Variants in RTEL1 observed in about 807,000 individuals in gnomAD.
RTEL1 encodes regulator of telomere length.
RTEL1 carries 86 observed loss-of-function variants against 162.2 expected under a neutral mutation model. The observed-to-expected ratio is 0.53, with a 90% CI of 0.45 to 0.63. The LOEUF is 0.63. Among genes scored for constraint, RTEL1 ranks in the 30% least tolerant of loss-of-function variants. The probability of loss-of-function intolerance (pLI) is 0.00; values close to 1 mark genes in which losing one functional copy is unlikely to be tolerated. For synonymous variants in RTEL1, 958 were observed against 717.9 expected (o/e 1.33, Z -5.35); for missense variants, 1,941 against 1,750.2 (o/e 1.11, Z -1.95).
At chr20:63,675,288 A>C (rs975992433) in intron 10 of RTEL1, among the ~76,000 whole-genome samples, 1 of 152,166 alleles carries the variant, frequency 6.6e-6, no homozygotes, top group Non-Finnish European at 1.5e-5. Context: ...CTGTGACACT[A>C]CTTGCTCGTG....
chr20:63,695,448 G>A lies in RTEL1; in HGVS notation c.3620G>A (p.Gly1207Glu), dbSNP rs776722880. Residue 1207 changes from glycine to glutamate, a missense_variant, in exon 34 of 35, where the codon GGA becomes GAA. Transcript: ENST00000360203. ...GATGCAGGTCCCAGCCAGTCCTCAG[G>A]ACCTCCCCACGGGCCTGCAGCATCT... Reference protein sequence around the residue: ...GEDAGPSQSSGPPHGPAASEW... With the variant: ...GEDAGPSQSSEPPHGPAASEW... 1.3e-6 allele frequency: 2 copies of A among 1,584,192 alleles called. No homozygotes were observed. The highest frequency in any genetic ancestry group is 1.7e-5 in the Admixed American group (1 of 57,942).
At chr20:63,684,325 G>GT (rs886505606) in intron 14 of RTEL1, among the ~76,000 whole-genome samples, 3 of 152,126 alleles carry the variant, frequency 2.0e-5, no homozygotes, top group Non-Finnish European at 4.4e-5. Context: ...TGGTTTTGTC[G>GT]TAAGTCCTGG....
At position 63,691,750 on chromosome 20, in the gene RTEL1, C is replaced by T. The variant is rs1167690038; in HGVS notation, c.2565C>T (p.Ser855=). Residue 855 remains serine, a synonymous_variant, in exon 28 of 35, where the codon AGC becomes AGT. Coordinates refer to ENST00000360203, the MANE Select transcript of RTEL1 (RefSeq NM_001283009.2). The stretch of plus-strand genomic sequence containing the variant: ...AGCTGTGTCCTCCTCAGGCCCACAG[C>T]TGCTCCACCCTGTCCCTCCTGTCTG... ...AGSPGEEQAH[S]CSTLSLLSEK... 3 of 1,612,394 alleles carry T rather than the reference C, an allele frequency of 1.9e-6. No homozygotes were observed. The highest frequency in any genetic ancestry group is 1.7e-6 in the Non-Finnish European group (2 of 1,179,728).
rs527348929 is a variant in RTEL1 at position 63,678,027 on chromosome 20, G to T, written c.920-118G>T. On this transcript the variant is annotated intron_variant, in intron 10 of 34. Coordinates refer to ENST00000360203, the MANE Select transcript of RTEL1 (RefSeq NM_001283009.2). ...GATTTGGCCTGCATGGATTCTGTGT[G>T]GCCTCTTCCTTTCCATGTTGGTGTC... 2.6e-6 allele frequency: 3 copies of T among 1,156,554 alleles called. No individual in the cohort carries two copies. In the African/African-American group the frequency reaches 4.6e-5, roughly 18 times the overall value. 71.6% of individuals were successfully genotyped at this position (1,156,554 alleles called of 1,614,324 possible). A position where few individuals can be genotyped will look rare whatever the true frequency, so the allele number is the denominator to read the frequency against.
chr20:63,666,863 G>A (rs6011007), intron 7 of RTEL1, among the ~76,000 whole-genome samples: 6 of 130,550 alleles, frequency 4.6e-5, no homozygotes, highest in South Asian at 2.4e-4. Flanking sequence ...TTTTTGAGAC[G>A]GAGTCTCGCT....
Position 63,672,825 on chromosome 20 carries a change from G to C in RTEL1, c.765+204G>C, listed in dbSNP as rs2297436. ...CTGGGGCTGGAGACTGGCCAGCTGG[G>C]CCAGGGACCTGCCCGTCAGGCGCAG... On this transcript the variant is annotated intron_variant, in intron 9 of 34. Coordinates refer to ENST00000360203, the MANE Select transcript of RTEL1 (RefSeq NM_001283009.2). Among the ~76,000 whole-genome samples, 67,217 of 152,100 alleles carry C rather than the reference G, an allele frequency of 0.44. 15,409 individuals carry two copies. Among genetic ancestry groups the C allele is most frequent in the Non-Finnish European group, 0.49 (33,289 of 67,976 alleles).
chr20:63,693,492 T>TCCACCACCTCCACCACGTCCA (rs1568720292), intron 30 of RTEL1, among the ~76,000 whole-genome samples: 1 of 4,334 alleles, frequency 2.3e-4, no homozygotes, highest in Non-Finnish European at 4.6e-4. Context: ...CACCACCACC[T>TCCACCACCTCCACCACGTCCA]CCACCTCCAC....
intron 8 of RTEL1, 23 bp downstream of exon 8, chr20:63,667,576 G>A (rs1306077450): frequency 1.9e-6 from 3 of 1,579,990 alleles, no homozygotes; most frequent in African/African-American, 2.7e-5. Flanking sequence ...TCCTGTAGCT[G>A]ACGACTCCTG....
At position 63,692,870 on chromosome 20, in the gene RTEL1, G is replaced by C. The variant is rs765888621; in HGVS notation, c.2718G>C (p.Glu906Asp). ...TCTTCATGGTGGCCGTGAAGCAGGAGTTGAGCCAAGCCAACTTTGCCACCT... is the reference window on the plus strand; with the variant it reads ...TCTTCATGGTGGCCGTGAAGCAGGACTTGAGCCAAGCCAACTTTGCCACCT... ...AKLFMVAVKQELSQANFATFT... is the reference protein window; with the variant it reads ...AKLFMVAVKQDLSQANFATFT... Residue 906 changes from glutamate (E) to aspartate (D), a missense_variant, in exon 29 of 35, where the codon GAG (glutamate) becomes GAC (aspartate). Coordinates refer to ENST00000360203, the MANE Select transcript of RTEL1 (RefSeq NM_001283009.2). 2.0e-5 allele frequency: 32 copies of C among 1,612,542 alleles called. No individual in the cohort carries two copies. Among genetic ancestry groups the C allele is most frequent in the Non-Finnish European group, 2.7e-5 (32 of 1,179,866 alleles).
At chr20:63,662,661 C>A (rs374324624) in intron 5 of RTEL1, 34 bp downstream of exon 5, 3 of 1,612,750 alleles carry the variant, frequency 1.9e-6, no homozygotes, top group African/African-American at 2.7e-5. Flanking sequence ...GGCTCAGTGT[C>A]CGACAGGCGA....
At position 63,678,202 on chromosome 20, in the gene RTEL1, G is replaced by A. The variant is rs763379741; in HGVS notation, c.958+19G>A. On this transcript the variant is annotated intron_variant, in intron 11 of 34. Coordinates refer to ENST00000360203, the MANE Select transcript of RTEL1 (RefSeq NM_001283009.2). The stretch of plus-strand genomic sequence containing the variant: ...CTGAAGAGTAAGTGTTGCCCTCCCC[G>A]CCTCCTTGCAGCTGGGTGGGGCCTC... 7.4e-6 allele frequency: 12 copies of A among 1,613,532 alleles called. No individual in the cohort carries two copies. In the East Asian group the frequency reaches 1.1e-4, roughly 15 times the overall value.
At chr20:63,691,596 C>T in intron 27 of RTEL1, 146 bp from the exon 28 acceptor site, 2 of 657,732 alleles carry the variant, frequency 3.0e-6, no homozygotes, top group Non-Finnish European at 5.4e-6. Flanking sequence ...GTGGCACTGT[C>T]ACCGGGGTGT....
chr20:63,692,657 C>G (rs970150424), intron 28 of RTEL1, 148 bp from the exon 29 acceptor site: 10 of 738,668 alleles, frequency 1.4e-5, no homozygotes, highest in Non-Finnish European at 2.2e-5. Context: ...CTCCCTATGT[C>G]CATCCAGCCA....
intron 9 of RTEL1, among the ~76,000 whole-genome samples, chr20:63,672,974 C>T (rs1171588247): frequency 6.6e-6 from 1 of 152,246 alleles, no homozygotes; most frequent in Non-Finnish European, 1.5e-5. Flanking sequence ...TGTCTCTGCC[C>T]TTCCGGCCAC....
In RTEL1 at chr20:63,668,768, T is replaced by C. The variant is rs757195903; in HGVS notation, c.699+1215T>C. On this transcript the variant is annotated intron_variant, in intron 8 of 34. Coordinates refer to ENST00000360203, the MANE Select transcript of RTEL1 (RefSeq NM_001283009.2). The surrounding 1 kb of genome is among the most constrained non-coding windows in gnomAD (Gnocchi z 4.3). ...ACCAGGCCCCTCCCTGGGACAGTTA[T>C]ATCACAGCTGGTAAGCCGAGTCTAA... Among the ~76,000 whole-genome samples the C allele has an allele frequency of 6.6e-5, 10 of 152,116 alleles. No individual in the cohort carries two copies. The highest frequency in any genetic ancestry group is 1.3e-4 in the Non-Finnish European group (9 of 68,024).
At chr20:63,664,700 T>G (rs1003197708) in intron 6 of RTEL1, among the ~76,000 whole-genome samples, 1 of 152,222 alleles carries the variant, frequency 6.6e-6, no homozygotes. Flanking sequence ...AGGGGGTGTC[T>G]GCAGCACCTG....
In RTEL1 at chr20:63,668,990, TG is replaced by T. The variant is rs1042593750; in HGVS notation, c.699+1438del. Among the ~76,000 whole-genome samples, 7 of 151,922 alleles carry T rather than the reference TG, an allele frequency of 4.6e-5. No homozygotes were observed. The highest frequency in any genetic ancestry group is 1.7e-4 in the African/African-American group (7 of 41,442). ...AGCTGACCCACACGCATGTGGTCAT[TG>T]TTTTTTTTTTCAGTTGGAATCTCAC... On this transcript the variant is annotated intron_variant, in intron 8 of 34. Transcript: ENST00000360203. The surrounding 1 kb of genome is among the most constrained non-coding windows in gnomAD (Gnocchi z 4.3).
In RTEL1 at chr20:63,661,805, G is replaced by A. The variant is rs758245408; in HGVS notation, c.302-45G>A. On this transcript the variant is annotated intron_variant, in intron 3 of 34. Transcript: ENST00000360203. The surrounding 1 kb of genome is among the most constrained non-coding windows in gnomAD (Gnocchi z 5.1). ...CCACCTGCCTTTGATACGTGAGAAC[G>A]TTGTCTGAGAACCGTGACTTCTGTG... 8.4e-6 allele frequency: 13 copies of A among 1,549,416 alleles called. No homozygotes were observed. Among genetic ancestry groups the A allele is most frequent in the African/African-American group, 6.8e-5 (5 of 73,478 alleles).
Position 63,690,103 on chromosome 20 carries a change from G to A in RTEL1, c.2158G>A (p.Ala720Thr), listed in dbSNP as rs755928414. The change falls in exon 25 of 35, where the codon GCA becomes ACA. Residue 720 changes from alanine (A) to threonine (T), a missense_variant. By Grantham distance (58) the Ala-to-Thr change is moderately conservative (BLOSUM62 0). Transcript: ENST00000360203. ...LCDHRFAFAD[A>T]RAQLPSWVRP... is the part of the protein sequence containing the mutation. ...ACCCCCCAGGTTCGCCTTTGCCGAC[G>A]CAAGAGCCCAACTGCCCTCCTGGGT... is the stretch of plus-strand genomic sequence containing the variant. 1.7e-5 allele frequency: 28 copies of A among 1,611,580 alleles called. No individual in the cohort carries two copies. The highest frequency in any genetic ancestry group is 3.3e-5 in the Admixed American group (2 of 59,988).
Sources: allele counts gnomAD v4.1 joint callset (sites outside exome capture counted in the v4.1 genomes callset), GRCh38; gene constraint gnomAD v4.1.1; non-coding constraint Gnocchi (gnomAD v3.1); transcripts MANE v1.5; gene names NCBI Gene and HGNC (gene_info 2026-07-23, HGNC 2026-07-21).